Variants in KIFC3 observed in about 807,000 individuals in gnomAD.
The protein encoded by KIFC3 is kinesin family member C3.
A neutral mutation model predicts 101.8 loss-of-function variants in KIFC3; 60 were observed. The observed-to-expected ratio is 0.59, with a 90% CI of 0.48 to 0.73. KIFC3 has a LOEUF of 0.73. Among genes scored for constraint, KIFC3 ranks in the 30% least tolerant of loss-of-function variants. The pLI, the probability that KIFC3 is intolerant of heterozygous loss-of-function variation, is 0.00. For synonymous variants in KIFC3, 476 were observed against 482.7 expected, an observed-to-expected ratio of 0.99 and a Z score of 0.18; for missense variants, 966 against 1,137.1, an observed-to-expected ratio of 0.85 and a Z score of 2.16.
intron 1 of KIFC3, chr16:57,816,827 T>C (rs1458710157): frequency 2.2e-6 from 1 of 445,388 alleles, no homozygotes; most frequent in Non-Finnish European, 4.5e-6. Flanking sequence ...CCACCCCCAG[T>C]AAGACTTGAG....
chr16:57,815,516 C>G lies in KIFC3; in HGVS notation c.109-17234G>C, dbSNP rs892685251. 4.5e-5 allele frequency: 58 copies of G among 1,278,448 alleles called. No homozygotes were observed. In the South Asian group the frequency reaches 7.4e-4, roughly 16 times the overall value. The allele number at this position is 1,278,448 out of a possible 1,614,324, so 79.2% of individuals were successfully genotyped here. On this transcript the variant is annotated intron_variant, in intron 1 of 2. Coordinates refer to the KIFC3 transcript ENST00000563028. ...TGGCTGATCTGGGACCACATCAGCACCTGGCCTGACTCTTCTACCAGGATG... is the reference window on the plus strand; with the variant it reads ...TGGCTGATCTGGGACCACATCAGCAGCTGGCCTGACTCTTCTACCAGGATG...
In KIFC3 at chr16:57,847,579, A is replaced by G. The variant is rs575254228; in HGVS notation, c.108+15150T>C. On this transcript the variant is annotated intron_variant, in intron 1 of 2. Coordinates refer to the KIFC3 transcript ENST00000563028. ...GAGATTCCACAAATTGATTCTGTCAATTTGTGGAATTGACACAAACACACA... is the reference window on the plus strand; with the variant it reads ...GAGATTCCACAAATTGATTCTGTCAGTTTGTGGAATTGACACAAACACACA... Among the ~76,000 whole-genome samples, 17 of 152,146 alleles carry G rather than the reference A, an allele frequency of 1.1e-4. No homozygotes were observed. The South Asian group carries it at 2.5e-3, about 22-fold the overall frequency.
chr16:57,814,478 CGTACTATGTGCCAG>C (rs1261629626), intron 1 of KIFC3, among the ~76,000 whole-genome samples: 1 of 152,142 alleles, frequency 6.6e-6, no homozygotes, highest in Non-Finnish European at 1.5e-5. Flanking sequence ...TTATTGAGCA[CGTACTATGTGCCAG>C]GTACTATGTG....
At chr16:57,847,218 G>GGAAA (rs2055940147) in intron 1 of KIFC3, among the ~76,000 whole-genome samples, 1 of 75,624 alleles carries the variant, frequency 1.3e-5, no homozygotes, top group South Asian at 5.4e-4. Flanking sequence ...AAGGAAGGAA[G>GGAAA]GAAGGAAGGA....
At position 57,782,113 on chromosome 16, in the gene KIFC3, CAGG is replaced by C. The variant is rs2149088523; in HGVS notation, c.316-9828_316-9826del. 4 of 985,534 alleles carry C rather than the reference CAGG, an allele frequency of 4.1e-6. No individual in the cohort carries two copies. The South Asian group carries it at 1.4e-4, about 35-fold the overall frequency. 61.0% of individuals were successfully genotyped at this position (985,534 alleles called of 1,614,324 possible). A position where few individuals can be genotyped will look rare whatever the true frequency, so the allele number is the denominator to read the frequency against. ...CTGAGTCAAACCACAGTGAGGCCAG[CAGG>C]AGACCAGGGCACACGGGAGTGACAG... On this transcript the variant is annotated intron_variant, in intron 3 of 19. Transcript: ENST00000445690.
intron 1 of KIFC3, chr16:57,816,535 C>T: frequency 2.2e-6 from 1 of 456,786 alleles, no homozygotes; most frequent in South Asian, 1.5e-5. Flanking sequence ...TACAAAACCA[C>T]ACGGGCTGCG....
intron 3 of KIFC3, chr16:57,775,579 G>C (rs1555611340): frequency 2.0e-6 from 2 of 985,900 alleles, no homozygotes; most frequent in East Asian, 1.1e-4. Context: ...TGAGAGCCAA[G>C]AGCAGGCAGG....
chr16:57,795,088 C>A lies in KIFC3; in HGVS notation c.226G>T (p.Ala76Ser). ...CGDEDSSARS[A>S]ARPALAQCRA... ...CACTGAGCTAGGGCTGGGCGAGCTG[C>A]ACTTCGGGCACTGGAGTCCTCGTCA... Residue 76 changes from alanine to serine, a missense_variant, in exon 3 of 20, where the codon GCA (alanine) becomes TCA (serine). By Grantham distance (99) the Ala-to-Ser change is moderately conservative. Around this residue, in one of 2 missense-constraint regions of KIFC3, gnomAD observed 277 missense variants for 252.5 expected, o/e 1.10. Transcript: ENST00000445690. 1.2e-6 allele frequency: 2 copies of A among 1,602,940 alleles called. No homozygotes were observed. The highest frequency in any genetic ancestry group is 1.7e-6 in the Non-Finnish European group (2 of 1,178,100).
intron 1 of KIFC3, among the ~76,000 whole-genome samples, chr16:57,825,393 C>A (rs540171036): frequency 3.9e-5 from 6 of 152,204 alleles, no homozygotes; most frequent in Non-Finnish European, 8.8e-5. Flanking sequence ...TTCATGAAAG[C>A]ATAGATACGT....
intron 1 of KIFC3, among the ~76,000 whole-genome samples, chr16:57,842,504 A>G (rs1293225267): frequency 2.0e-5 from 3 of 152,190 alleles, no homozygotes; most frequent in Admixed American, 1.3e-4. Context: ...AGGCTCCACC[A>G]TTTTATCAAC....
chr16:57,809,326 C>G (rs1299980017), intron 1 of KIFC3, among the ~76,000 whole-genome samples: 1 of 152,110 alleles, frequency 6.6e-6, no homozygotes, highest in Non-Finnish European at 1.5e-5. Context: ...GTTGGGGTCT[C>G]GCTCTCTCAC....
At chr16:57,830,229 T>C (rs1334594166) in intron 1 of KIFC3, among the ~76,000 whole-genome samples, 2 of 144,814 alleles carry the variant, frequency 1.4e-5, no homozygotes, top group South Asian at 2.3e-4. Context: ...TCCTTTCTTT[T>C]TTCTTTCTTT....
chr16:57,759,912 CCCCTG>C (rs2049625662), intron 17 of KIFC3, 76 bp from the exon 18 acceptor site: 1 of 1,129,056 alleles, frequency 8.9e-7, no homozygotes, highest in Non-Finnish European at 1.3e-6. Context: ...TCTCTCTACT[CCCCTG>C]CCCTGCCTCC....
chr16:57,788,714 C>T (rs1223783149), intron 3 of KIFC3: 2 of 1,289,514 alleles, frequency 1.6e-6, no homozygotes, highest in Non-Finnish European at 2.0e-6. Context: ...GCAGGGCCTG[C>T]TGCCAAGACA....
At chr16:57,764,949 G>A (rs1233134415) in intron 11 of KIFC3, among the ~76,000 whole-genome samples, 1 of 151,468 alleles carries the variant, frequency 6.6e-6, no homozygotes, top group African/African-American at 2.4e-5. Flanking sequence ...CAGCATGAGG[G>A]TGGGATGGGC....
intron 1 of KIFC3, chr16:57,862,698 T>C: frequency 9.9e-7 from 1 of 1,011,508 alleles, no homozygotes; most frequent in South Asian, 1.4e-5. Context: ...CTCCTCCCAT[T>C]CCCACTGCCC....
At chr16:57,771,499 T>C (rs929014144) in intron 5 of KIFC3, 44 bp downstream of exon 5, 3 of 1,609,566 alleles carry the variant, frequency 1.9e-6, no homozygotes, top group Non-Finnish European at 2.5e-6. Flanking sequence ...GGAGCTGGGG[T>C]GGCCCTCCAG....
chr16:57,805,137 A>G (rs782229014), upstream of KIFC3, among the ~76,000 whole-genome samples: 5 of 149,964 alleles, frequency 3.3e-5, no homozygotes, highest in Non-Finnish European at 4.5e-5. Context: ...AGCATGACTC[A>G]GTTTTTTAAA....
chr16:57,847,803 T>TGA (rs1555482877), intron 1 of KIFC3, among the ~76,000 whole-genome samples: 24 of 143,922 alleles, frequency 1.7e-4, no homozygotes, highest in African/African-American at 2.6e-4. Flanking sequence ...TGTGTGTGTG[T>TGA]GAGACCGAGT....
Sources: allele counts gnomAD v4.1 joint callset (sites outside exome capture counted in the v4.1 genomes callset), GRCh38; gene constraint gnomAD v4.1.1; regional missense constraint gnomAD v4.1.1; transcripts MANE v1.5; gene names NCBI Gene and HGNC (gene_info 2026-07-23, HGNC 2026-07-21).